The following EGFL7 variants were observed in gnomAD, a reference collection of about 807,000 sequenced individuals.
EGFL7 encodes the protein epidermal growth factor-like protein 7.
A neutral mutation model predicts 37.1 loss-of-function variants in EGFL7; 48 were observed. The ratio of observed to expected loss-of-function variants is 1.29; its 90% CI spans 1.03 to 1.65. EGFL7 has a LOEUF of 1.65. Among genes scored for constraint, EGFL7 ranks in the 40% most tolerant of loss-of-function variants. The pLI is 0.00. For synonymous variants in EGFL7, 180 were observed against 156.8 expected, an observed-to-expected ratio of 1.15 and a Z score of -1.10; for missense variants, 384 against 378.9, an observed-to-expected ratio of 1.01 and a Z score of -0.11.
rs755134733 is a variant in EGFL7 at position 136,668,353 on chromosome 9, A to C, written c.71A>C (p.Tyr24Ser). ...VLAVGGTEHA[Y>S]RPGRRVCAVR... ...GCAGTGGGCGGCACAGAGCACGCCT[A>C]CCGGCCCGGGTGAGCCAAGCCCTAG... The change falls in exon 4 of 11, where the codon TAC becomes TCC. Residue 24 changes from tyrosine (Y) to serine (S), a missense_variant. Transcript: ENST00000308874. The C allele has an allele frequency of 4.4e-6, 7 of 1,599,972 alleles. No individual in the cohort carries two copies. In the Admixed American group the frequency reaches 5.1e-5, roughly 12 times the overall value.
rs111528926 is a variant in EGFL7, at chr9:136,672,334, C to A, written c.*48C>A. ...CTGAGCCCCTCACGCCGCCCTGCAG[C>A]CCCCATGCCCCTGCCCAACATGCTG... On this transcript the variant is annotated 3_prime_UTR_variant, in exon 11 of 11. Transcript: ENST00000308874. 1.9e-6 allele frequency: 3 copies of A among 1,611,594 alleles called. No homozygotes were observed. Among genetic ancestry groups the A allele is most frequent in the Admixed American group, 1.7e-5 (1 of 59,986 alleles).
rs767392646 is a variant in EGFL7 at position 136,668,558 on chromosome 9, C to T, written c.82C>T (p.Arg28Cys). 6.8e-6 allele frequency: 11 copies of T among 1,608,530 alleles called. No homozygotes were observed. The highest frequency in any genetic ancestry group is 3.3e-5 in the Admixed American group (2 of 59,980). ...CTGACCCCCTCTCCACCCCCGCAGC[C>T]GTAGGGTGTGTGCTGTCCGGGCTCA... ...GGTEHAYRPG[R>C]RVCAVRAHGD... Residue 28 changes from arginine to cysteine, a missense_variant and splice_region_variant, in exon 5 of 11, where the codon CGT becomes TGT. Physicochemically the swap from Arg to Cys is radical, Grantham distance 180. Coordinates refer to ENST00000308874, the MANE Select transcript of EGFL7 (RefSeq NM_016215.5).
chr9:136,668,814 G>C, intron 5 of EGFL7, 141 bp downstream of exon 5: 1 of 798,468 alleles, frequency 1.3e-6, no homozygotes, highest in Non-Finnish European at 2.1e-6. Context: ...GGCTGCCTGA[G>C]ATGGGCGACC....
intron 9 of EGFL7, 41 bp downstream of exon 9, chr9:136,671,055 G>C: frequency 7.0e-7 from 1 of 1,420,378 alleles, no homozygotes. Context: ...GGCAGTCCAG[G>C]GTGGACCTGC....
chr9:136,668,856 C>A (rs1287688861), intron 5 of EGFL7, among the ~76,000 whole-genome samples, 183 bp downstream of exon 5: 1 of 152,144 alleles, frequency 6.6e-6, no homozygotes, highest in Non-Finnish European at 1.5e-5. Context: ...GTTCCACGAT[C>A]ACCTCCAGTG....
At chr9:136,662,500 C>A (rs184052480), upstream of EGFL7, among the ~76,000 whole-genome samples, 575 of 151,598 alleles carry the variant, frequency 3.8e-3, 6 homozygotes, top group African/African-American at 0.012. Flanking sequence ...CGTGCTGTGT[C>A]ACACACATCT....
At position 136,663,440 on chromosome 9, in the gene EGFL7, T is replaced by A. The variant is rs1467596499; in HGVS notation, c.-320T>A. On this transcript the variant is annotated 5_prime_UTR_variant, in exon 2 of 11. The change creates a new upstream start codon in the 5' untranslated region. Coordinates refer to ENST00000308874, the MANE Select transcript of EGFL7 (RefSeq NM_016215.5). ...CCTGTGGTTGGCAGCAAAGTTCAGC[T>A]TGGCTGGGCCCGCTGTGAGGGGCTT... The A allele has an allele frequency of 2.6e-5, 4 of 152,362 alleles. No homozygotes were observed. Among genetic ancestry groups the A allele is most frequent in the Admixed American group, 2.6e-4 (4 of 15,292 alleles). The allele number at this position is 152,362 out of a possible 1,614,324, so 9.4% of individuals were successfully genotyped here.
chr9:136,670,068 C>A (rs1470263118), intron 7 of EGFL7, 59 bp downstream of exon 7: 1 of 1,597,406 alleles, frequency 6.3e-7, no homozygotes, highest in Non-Finnish European at 8.5e-7. Context: ...CCTTGCATGT[C>A]CTGGGGTTAC....
chr9:136,668,657 G>C lies in EGFL7; in HGVS notation c.181G>C (p.Ala61Pro), dbSNP rs747731431. The change falls in exon 5 of 11, where the codon GCC becomes CCC. Residue 61 changes from alanine to proline, a missense_variant. Transcript: ENST00000308874. Reference protein sequence around the residue: ...PFLTTCDGHRACSTYRTIYRT... With the variant: ...PFLTTCDGHRPCSTYRTIYRT... The stretch of plus-strand genomic sequence containing the variant: ...CCTCACCACCTGCGACGGGCACCGG[G>C]CCTGCAGCACCTACCGGTGAGTGCC... The C allele has an allele frequency of 6.2e-7, 1 of 1,603,068 alleles. No homozygotes were observed. Among genetic ancestry groups the C allele is most frequent in the African/African-American group, 1.3e-5 (1 of 75,006 alleles).
intron 2 of EGFL7, among the ~76,000 whole-genome samples, chr9:136,664,192 G>T (rs189418414): frequency 6.6e-6 from 1 of 152,204 alleles, no homozygotes; most frequent in African/African-American, 2.4e-5. Flanking sequence ...TGCTCTGGTC[G>T]TCCCTTGGAC....
Position 136,672,634 on chromosome 9 carries a change from T to C in EGFL7, c.*348T>C, listed in dbSNP as rs1845993723. On this transcript the variant is annotated 3_prime_UTR_variant, in exon 11 of 11. Transcript: ENST00000308874. ...GCCCGGAGGCTGGGTGGGGCCTCAG[T>C]GGGGGCTGCTGCCTGACCCCCAGCA... is the stretch of plus-strand genomic sequence containing the variant. The C allele has an allele frequency of 8.9e-6, 4 of 448,066 alleles. No homozygotes were observed. Among genetic ancestry groups the C allele is most frequent in the African/African-American group, 3.9e-5 (2 of 51,080 alleles). 27.8% of individuals were successfully genotyped at this position (448,066 alleles called of 1,614,324 possible).
At chr9:136,668,190 C>T (rs111845836) in intron 3 of EGFL7, 51 bp from the exon 4 acceptor site, 40 of 1,122,678 alleles carry the variant, frequency 3.6e-5, no homozygotes, top group African/African-American at 2.3e-4. Context: ...ACTGCACCCG[C>T]GTCCTGGGGG....
chr9:136,672,467 G>C lies in EGFL7; in HGVS notation c.*181G>C. 1 of 720,174 alleles carries C rather than the reference G, an allele frequency of 1.4e-6. No individual in the cohort carries two copies. Among genetic ancestry groups the C allele is most frequent in the Non-Finnish European group, 2.3e-6 (1 of 436,872 alleles). The allele number at this position is 720,174 out of a possible 1,614,324, so 44.6% of individuals were successfully genotyped here. On this transcript the variant is annotated 3_prime_UTR_variant, in exon 11 of 11. Coordinates refer to ENST00000308874, the MANE Select transcript of EGFL7 (RefSeq NM_016215.5). ...GCTCCCCAGACCCTGGCATGGGATG[G>C]GCTGGGATCTTCTCTGTGAATCCAC...
chr9:136,662,125 C>T (rs537529490), upstream of EGFL7, among the ~76,000 whole-genome samples: 22 of 152,308 alleles, frequency 1.4e-4, no homozygotes, highest in African/African-American at 5.1e-4. Flanking sequence ...ACAGAGCACC[C>T]CCTGTGATCA....
Position 136,671,882 on chromosome 9 carries a change from A to G in EGFL7, c.637-44A>G, listed in dbSNP as rs1845930441. The G allele has an allele frequency of 7.6e-6, 11 of 1,448,862 alleles. No homozygotes were observed. The Admixed American group carries it at 2.6e-4, about 34-fold the overall frequency. The allele number at this position is 1,448,862 out of a possible 1,614,324, so 89.8% of individuals were successfully genotyped here. ...CTCCCTAGACCCCGGTGGAGCAGAG[A>G]GGGCGGGGGCCGGCCCAGGGTCACT... is the stretch of plus-strand genomic sequence containing the variant. On this transcript the variant is annotated intron_variant, in intron 9 of 10. Coordinates refer to ENST00000308874, the MANE Select transcript of EGFL7 (RefSeq NM_016215.5).
chr9:136,668,729 C>A, intron 5 of EGFL7, 56 bp downstream of exon 5: 1 of 1,429,340 alleles, frequency 7.0e-7, no homozygotes, highest in Non-Finnish European at 9.7e-7. Flanking sequence ...GTCGGCCACA[C>A]ATCAGCATGT....
At position 136,667,790 on chromosome 9, in the gene EGFL7, C is replaced by T. The variant is rs569451711; in HGVS notation, c.-42-451C>T. ...AATCAAATTCCAGAAGGGCTGAGGC[C>T]GGCAGGTCCCTGGTGGGGCTGGATC... On this transcript the variant is annotated intron_variant, in intron 3 of 10. Coordinates refer to ENST00000308874, the MANE Select transcript of EGFL7 (RefSeq NM_016215.5). Among the ~76,000 whole-genome samples, 13 of 152,284 alleles carry T rather than the reference C, an allele frequency of 8.5e-5. No individual in the cohort carries two copies. The East Asian group carries it at 1.4e-3, about 16-fold the overall frequency.
intron 3 of EGFL7, among the ~76,000 whole-genome samples, chr9:136,667,074 C>A (rs1845526072): frequency 6.6e-6 from 1 of 152,210 alleles, no homozygotes. Flanking sequence ...GATGCCTTGG[C>A]AGTGCCCGTG....
At chr9:136,659,891 T>A (rs1469568571), upstream of EGFL7, among the ~76,000 whole-genome samples, 5 of 151,924 alleles carry the variant, frequency 3.3e-5, no homozygotes, top group Non-Finnish European at 7.4e-5. Flanking sequence ...GTGGCCACAC[T>A]CTCCCACCAG....
Sources: allele counts gnomAD v4.1 joint callset (sites outside exome capture counted in the v4.1 genomes callset), GRCh38; gene constraint gnomAD v4.1.1; transcripts MANE v1.5; gene names NCBI Gene and HGNC (gene_info 2026-07-23, HGNC 2026-07-21).